Variants in PRKD1 observed in about 807,000 individuals in gnomAD.
PRKD1 encodes serine/threonine-protein kinase D1.
In PRKD1, 63 loss-of-function variants were observed where a neutral mutation model predicts 95.9. The observed-to-expected ratio is 0.66, with a 90% CI of 0.54 to 0.81. The LOEUF (loss-of-function observed/expected upper bound fraction) is 0.81, where lower values mean the gene tolerates loss of function less well. Among genes scored for constraint, PRKD1 ranks in the 30% least tolerant of loss-of-function variants. The pLI is 0.00. For synonymous variants in PRKD1, 425 were observed against 423.1 expected (o/e 1.00, Z -0.05); for missense variants, 1,048 against 1,165.3 (o/e 0.90, Z 1.47).
chr14:29,661,213 T>C (rs1437291248), intron 4 of PRKD1, among the ~76,000 whole-genome samples: 1 of 152,186 alleles, frequency 6.6e-6, no homozygotes, highest in Non-Finnish European at 1.5e-5. Context: ...ATGGAAAATA[T>C]AACTTTCTCA....
At chr14:29,668,998 C>A (rs190055084) in intron 2 of PRKD1, among the ~76,000 whole-genome samples, 1 of 151,810 alleles carries the variant, frequency 6.6e-6, no homozygotes, top group Admixed American at 6.6e-5. Context: ...CATTACTCAA[C>A]TTGTATTTTT....
intron 1 of PRKD1, among the ~76,000 whole-genome samples, chr14:29,749,246 C>A (rs1887368627): frequency 6.6e-6 from 1 of 152,192 alleles, no homozygotes; most frequent in East Asian, 1.9e-4. Context: ...CCAGTTCATA[C>A]CATGTTATAT....
chr14:29,879,368 T>C (rs1893420726), intron 1 of PRKD1, among the ~76,000 whole-genome samples: 1 of 152,226 alleles, frequency 6.6e-6, no homozygotes, highest in Non-Finnish European at 1.5e-5. Flanking sequence ...TCACGAAATC[T>C]GGTGGGTTTA....
At chr14:29,591,880 G>T (rs1419208165) in intron 16 of PRKD1, among the ~76,000 whole-genome samples, 1 of 152,042 alleles carries the variant, frequency 6.6e-6, no homozygotes, top group Non-Finnish European at 1.5e-5. Flanking sequence ...GGGATATCTT[G>T]ATCTATTTCT....
At chr14:29,694,019 T>G (rs1884383816) in intron 2 of PRKD1, among the ~76,000 whole-genome samples, 1 of 152,152 alleles carries the variant, frequency 6.6e-6, no homozygotes, top group Non-Finnish European at 1.5e-5. Context: ...AAAATATGCA[T>G]CAACCTTCAT....
intron 1 of PRKD1, among the ~76,000 whole-genome samples, chr14:29,890,894 A>G (rs376533436): frequency 2.6e-5 from 4 of 152,228 alleles, no homozygotes; most frequent in East Asian, 3.9e-4. Context: ...ATACTGAATG[A>G]AAGTTAATGT....
At chr14:29,641,898 C>CTTTTTTTTT (rs751584936) in intron 4 of PRKD1, among the ~76,000 whole-genome samples, 4 of 116,708 alleles carry the variant, frequency 3.4e-5, no homozygotes, top group Non-Finnish European at 5.4e-5. Flanking sequence ...AAAAATATTT[C>CTTTTTTTTT]TTTTTTTTTT....
At chr14:29,662,648 A>C (rs936118383) in intron 4 of PRKD1, among the ~76,000 whole-genome samples, 1 of 152,100 alleles carries the variant, frequency 6.6e-6, no homozygotes, top group Admixed American at 6.5e-5. Context: ...TTACACTGTA[A>C]AAAAATTTTG....
chr14:29,783,635 T>G (rs897172577), intron 1 of PRKD1, among the ~76,000 whole-genome samples: 2 of 152,182 alleles, frequency 1.3e-5, no homozygotes, highest in African/African-American at 4.8e-5. Flanking sequence ...AAGAGTTCCC[T>G]TTTCTCCATT....
At chr14:29,685,291 T>C (rs1195674618) in intron 2 of PRKD1, among the ~76,000 whole-genome samples, 1 of 152,218 alleles carries the variant, frequency 6.6e-6, no homozygotes, top group African/African-American at 2.4e-5. Context: ...CTTGATTAAG[T>C]ATGCTCCACT....
At chr14:29,675,080 G>A (rs1354589660) in intron 2 of PRKD1, among the ~76,000 whole-genome samples, 1 of 152,172 alleles carries the variant, frequency 6.6e-6, no homozygotes, top group African/African-American at 2.4e-5. Flanking sequence ...GCTGTGTGCA[G>A]GAATTGTCCC....
chr14:29,819,476 G>A (rs1890821631), intron 1 of PRKD1, among the ~76,000 whole-genome samples: 1 of 152,076 alleles, frequency 6.6e-6, no homozygotes, highest in Non-Finnish European at 1.5e-5. Context: ...GGATCACGAG[G>A]TCAGGAGATC....
intron 1 of PRKD1, among the ~76,000 whole-genome samples, chr14:29,780,126 C>T (rs1443040566): frequency 6.6e-6 from 1 of 152,116 alleles, no homozygotes; most frequent in Non-Finnish European, 1.5e-5. Context: ...ACACCTTTTA[C>T]AAAAATTAAT....
At chr14:29,713,934 T>C (rs1348482133) in intron 2 of PRKD1, among the ~76,000 whole-genome samples, 7 of 152,208 alleles carry the variant, frequency 4.6e-5, no homozygotes, top group African/African-American at 1.2e-4. Flanking sequence ...TCAGGCCGGT[T>C]ACTTCTAGAC....
At chr14:29,727,406 C>T (rs1274095803) in intron 1 of PRKD1, among the ~76,000 whole-genome samples, 4 of 151,394 alleles carry the variant, frequency 2.6e-5, no homozygotes, top group African/African-American at 9.7e-5. Context: ...TAATTAGATC[C>T]CATTTGTCAA....
At chr14:29,635,502 T>A (rs1880307391) in intron 7 of PRKD1, among the ~76,000 whole-genome samples, 1 of 152,228 alleles carries the variant, frequency 6.6e-6, no homozygotes, top group African/African-American at 2.4e-5. Context: ...ACAATCATTT[T>A]ATTGCTCTAC....
intron 1 of PRKD1, among the ~76,000 whole-genome samples, chr14:29,770,315 G>C (rs540187314): frequency 6.6e-6 from 1 of 152,294 alleles, no homozygotes; most frequent in Admixed American, 6.5e-5. Flanking sequence ...GCTAGAAATG[G>C]GTAATGAGTA....
chr14:29,636,040 C>T (rs928630382), intron 7 of PRKD1, among the ~76,000 whole-genome samples: 6 of 31,436 alleles, frequency 1.9e-4, no homozygotes, highest in Non-Finnish European at 4.2e-4. Flanking sequence ...GCATCTCTCA[C>T]ATGCAAAAAA....
intron 1 of PRKD1, among the ~76,000 whole-genome samples, chr14:29,816,020 C>T (rs192155267): frequency 1.1e-4 from 16 of 152,198 alleles, no homozygotes; most frequent in African/African-American, 3.6e-4. Context: ...GAGATCGAGA[C>T]CATCCTGGCC....
Sources: allele counts gnomAD v4.1 joint callset (sites outside exome capture counted in the v4.1 genomes callset), GRCh38; gene constraint gnomAD v4.1.1; transcripts MANE v1.5; gene names NCBI Gene and HGNC (gene_info 2026-07-23, HGNC 2026-07-21).